The following CTNNA2 variants were observed in gnomAD, a reference collection of about 807,000 sequenced individuals.
CTNNA2 encodes the protein catenin alpha 2.
CTNNA2 carries 42 observed loss-of-function variants against 101.0 expected under a neutral mutation model. The observed-to-expected ratio is 0.42, with a 90% CI of 0.32 to 0.54. CTNNA2 has a LOEUF of 0.54. Ranked by LOEUF, CTNNA2 falls within the 20% of genes least tolerant of loss-of-function variation. The pLI is 0.14. For synonymous variants in CTNNA2, 450 were observed against 456.4 expected (o/e 0.99, Z 0.18); for missense variants, 871 against 1,223.1 (o/e 0.71, Z 4.29).
At chr2:79,873,335 T>C (rs1682735029) in intron 5 of CTNNA2, among the ~76,000 whole-genome samples, 2 of 152,196 alleles carry the variant, frequency 1.3e-5, no homozygotes, top group African/African-American at 4.8e-5. Context: ...ATGCCTCTTA[T>C]AGGCCAGCCA....
chr2:79,227,882 C>T (rs1674440919), intron 2 of CTNNA2, among the ~76,000 whole-genome samples: 2 of 152,116 alleles, frequency 1.3e-5, no homozygotes, highest in African/African-American at 4.8e-5. Context: ...TAGTACCCAC[C>T]AAGTGGTTCT....
At chr2:79,838,573 T>C (rs1679565909) in intron 3 of CTNNA2, among the ~76,000 whole-genome samples, 1 of 152,128 alleles carries the variant, frequency 6.6e-6, no homozygotes, top group Admixed American at 6.5e-5. Context: ...GACATTATTA[T>C]AGGTATTGAT....
intron 1 of CTNNA2, among the ~76,000 whole-genome samples, chr2:79,591,912 T>TAA (rs1676878951): frequency 2.7e-5 from 3 of 111,612 alleles, no homozygotes; most frequent in Non-Finnish European, 5.2e-5. Context: ...AAAAAAATTT[T>TAA]TTTTTTTTTT....
At chr2:79,832,605 A>G (rs1679009886) in intron 3 of CTNNA2, among the ~76,000 whole-genome samples, 1 of 152,000 alleles carries the variant, frequency 6.6e-6, no homozygotes, top group Admixed American at 6.6e-5. Context: ...TGGTTGTCTC[A>G]TGCTTTGTTT....
intron 2 of CTNNA2, among the ~76,000 whole-genome samples, chr2:79,205,287 C>T (rs1674087008): frequency 6.6e-6 from 1 of 152,128 alleles, no homozygotes; most frequent in Non-Finnish European, 1.5e-5. Flanking sequence ...TGAATCTTCC[C>T]AGGACATGAG....
At chr2:79,615,921 CTAAG>C (rs527296476) in intron 1 of CTNNA2, among the ~76,000 whole-genome samples, 435 of 152,288 alleles carry the variant, frequency 2.9e-3, no homozygotes, top group Non-Finnish European at 4.5e-3. Context: ...GGCGCCCAAA[CTAAG>C]TGTTTCCTCA....
chr2:80,586,785 T>C (rs1255651408), intron 14 of CTNNA2, among the ~76,000 whole-genome samples: 1 of 152,214 alleles, frequency 6.6e-6, no homozygotes, highest in Non-Finnish European at 1.5e-5. Context: ...AATTTACACG[T>C]ACACACGCAT....
intron 1 of CTNNA2, among the ~76,000 whole-genome samples, chr2:79,632,035 A>G (rs1429012880): frequency 6.6e-6 from 1 of 152,180 alleles, no homozygotes; most frequent in Admixed American, 6.5e-5. Flanking sequence ...GTTTAAGGGT[A>G]TATATTTCTT....
chr2:79,645,371 AAAGGTCATT>A (rs148950386), intron 1 of CTNNA2, among the ~76,000 whole-genome samples: 4,566 of 152,284 alleles, frequency 0.03, 203 homozygotes, highest in African/African-American at 0.097. Context: ...GGTAATAGTA[AAAGGTCATT>A]AAGCCAGTAT....
intron 4 of CTNNA2, among the ~76,000 whole-genome samples, chr2:79,397,762 C>G (rs1678248707): frequency 6.6e-6 from 1 of 152,078 alleles, no homozygotes. Flanking sequence ...CTCCTGGGCT[C>G]AAGCTCCTTC....
chr2:79,663,815 A>G (rs970878722), intron 2 of CTNNA2, among the ~76,000 whole-genome samples: 3 of 152,214 alleles, frequency 2.0e-5, no homozygotes, highest in Non-Finnish European at 4.4e-5. Flanking sequence ...TAATTCATAC[A>G]TTTATCTCCA....
chr2:79,969,236 A>C (rs1179754487), intron 7 of CTNNA2, among the ~76,000 whole-genome samples: 1 of 152,234 alleles, frequency 6.6e-6, no homozygotes, highest in Non-Finnish European at 1.5e-5. Flanking sequence ...AGAAGAGCAC[A>C]CATTTATTAG....
At chr2:79,425,717 T>C (rs1325385797) in intron 4 of CTNNA2, among the ~76,000 whole-genome samples, 2 of 152,168 alleles carry the variant, frequency 1.3e-5, no homozygotes, top group Non-Finnish European at 2.9e-5. Context: ...CAATCAAGAA[T>C]GCATATGCTC....
chr2:80,529,471 T>C (rs1356598854), intron 9 of CTNNA2, among the ~76,000 whole-genome samples: 1 of 152,186 alleles, frequency 6.6e-6, no homozygotes, highest in African/African-American at 2.4e-5. Context: ...AAAACAATAA[T>C]TGCAATTATT....
chr2:80,618,811 A>T, intron 17 of CTNNA2: 1 of 246,096 alleles, frequency 4.1e-6, no homozygotes, highest in Non-Finnish European at 7.7e-6. Flanking sequence ...TGTCCCATTC[A>T]GTGCCTGACA....
At chr2:79,280,361 C>T (rs1675330861) in intron 2 of CTNNA2, among the ~76,000 whole-genome samples, 1 of 152,068 alleles carries the variant, frequency 6.6e-6, no homozygotes, top group Non-Finnish European at 1.5e-5. Flanking sequence ...TACATGCCTG[C>T]ACCACAGCAC....
At chr2:79,813,222 C>A (rs1379072006) in intron 3 of CTNNA2, among the ~76,000 whole-genome samples, 2 of 152,214 alleles carry the variant, frequency 1.3e-5, no homozygotes, top group African/African-American at 4.8e-5. Context: ...ATCCTGGGCA[C>A]ACTCCTTGCT....
chr2:79,586,639 T>C (rs1226783120), intron 1 of CTNNA2, among the ~76,000 whole-genome samples: 2 of 152,230 alleles, frequency 1.3e-5, no homozygotes, highest in Non-Finnish European at 2.9e-5. Context: ...GCTTCCTCTC[T>C]GTTGGAAAGA....
chr2:79,680,958 A>G (rs2104639777), intron 2 of CTNNA2, among the ~76,000 whole-genome samples: 1 of 152,312 alleles, frequency 6.6e-6, no homozygotes, highest in South Asian at 2.1e-4. Context: ...AGACTGAAGG[A>G]ACCATAGAAG....
Sources: gnomAD v4.1 joint callset for allele counts (sites outside exome capture counted in the v4.1 genomes callset) on GRCh38, gnomAD v4.1.1 for gene constraint, MANE v1.5 for transcripts, NCBI Gene and HGNC (gene_info 2026-07-23, HGNC 2026-07-21) for gene names.